Variants in LRRTM4 observed in about 807,000 individuals in gnomAD.
LRRTM4 encodes the protein leucine-rich repeat transmembrane neuronal protein 4.
Under a neutral mutation model 47.6 loss-of-function variants are expected in LRRTM4, and 25 were observed. The observed-to-expected ratio is 0.53, with a 90% CI of 0.38 to 0.73. LRRTM4 has a LOEUF of 0.73. Ranked by LOEUF, LRRTM4 falls within the 30% of genes least tolerant of loss-of-function variation. LRRTM4 has a pLI of 0.00. For missense variants in LRRTM4, 638 were observed against 713.4 expected (o/e 0.89, Z 1.20); for synonymous variants, 311 against 269.5 (o/e 1.15, Z -1.51).
At chr2:76,824,599 C>T (rs1324742207) in intron 3 of LRRTM4, among the ~76,000 whole-genome samples, 1 of 147,944 alleles carries the variant, frequency 6.8e-6, no homozygotes, top group Non-Finnish European at 1.5e-5. Flanking sequence ...AAGAGAGAAT[C>T]TCATTAGGGC....
In LRRTM4 at chr2:77,518,710, G is replaced by A; in HGVS notation, c.1159C>T (p.Pro387Ser). Reference sequence around the variant, plus strand: ...GTGACGTCAGGTTTGAAGATGGTAGGTCTAGGGATAATCAGAGGTTTCTGG... The same window carrying A: ...GTGACGTCAGGTTTGAAGATGGTAGATCTAGGGATAATCAGAGGTTTCTGG... The part of the protein sequence containing the change: ...TPQKPLIIPR[P>S]TIFKPDVTQS... The change falls in exon 3 of 4, where the codon CCT becomes TCT. Residue 387 changes from proline to serine, a missense_variant. Physicochemically the swap from Pro to Ser is moderately conservative, Grantham distance 74 (BLOSUM62 -1). Coordinates refer to ENST00000409884, the MANE Select transcript of LRRTM4 (RefSeq NM_001134745.3). 6.2e-7 allele frequency: 1 copy of A among 1,613,484 alleles called. No homozygotes were observed. The highest frequency in any genetic ancestry group is 8.5e-7 in the Non-Finnish European group (1 of 1,179,686).
chr2:77,425,437 T>C (rs1385667330), intron 3 of LRRTM4, among the ~76,000 whole-genome samples: 1 of 152,230 alleles, frequency 6.6e-6, no homozygotes, highest in African/African-American at 2.4e-5. Context: ...CCTGGATCTA[T>C]ATTTACCTTG....
At chr2:77,134,084 C>G (rs1297072387) in intron 3 of LRRTM4, among the ~76,000 whole-genome samples, 5 of 152,042 alleles carry the variant, frequency 3.3e-5, no homozygotes, top group African/African-American at 4.8e-5. Context: ...ACATCCATAT[C>G]TACTTATCTG....
chr2:77,214,655 T>C (rs1020633785), intron 3 of LRRTM4, among the ~76,000 whole-genome samples: 1 of 151,936 alleles, frequency 6.6e-6, no homozygotes, highest in East Asian at 1.9e-4. Flanking sequence ...TTAAGTACAA[T>C]AGGAAGAAGA....
intron 3 of LRRTM4, among the ~76,000 whole-genome samples, chr2:77,290,946 C>T (rs1471609646): frequency 6.6e-6 from 1 of 152,034 alleles, no homozygotes; most frequent in Non-Finnish European, 1.5e-5. Context: ...AAGCATCTTC[C>T]AATCTCAATA....
intron 3 of LRRTM4, among the ~76,000 whole-genome samples, chr2:76,948,240 A>G (rs1042142733): frequency 6.6e-6 from 1 of 151,862 alleles, no homozygotes; most frequent in Non-Finnish European, 1.5e-5. Flanking sequence ...CTTTATAGAT[A>G]GAAGTGATGA....
chr2:76,758,727 G>A (rs952479660), intron 3 of LRRTM4, among the ~76,000 whole-genome samples: 2 of 152,076 alleles, frequency 1.3e-5, no homozygotes, highest in Non-Finnish European at 2.9e-5. Context: ...TTATATGAAA[G>A]TGAATTTGCC....
chr2:77,480,829 GA>G (rs1558763572), intron 3 of LRRTM4, among the ~76,000 whole-genome samples: 5 of 41,476 alleles, frequency 1.2e-4, no homozygotes, highest in Admixed American at 3.1e-4. Flanking sequence ...TGTGGAGAGA[GA>G]GAGAGAGAGA....
chr2:76,803,783 C>G (rs2103784191), intron 3 of LRRTM4, among the ~76,000 whole-genome samples: 1 of 152,178 alleles, frequency 6.6e-6, no homozygotes, highest in African/African-American at 2.4e-5. Context: ...TTTCCTTCAC[C>G]ATAACTAATA....
intron 3 of LRRTM4, among the ~76,000 whole-genome samples, chr2:76,919,120 G>T (rs1174966474): frequency 1.3e-5 from 2 of 152,156 alleles, no homozygotes; most frequent in Admixed American, 6.5e-5. Flanking sequence ...TGGCACACAA[G>T]CAAAGTGTTG....
chr2:77,292,152 A>G (rs1349558570), intron 3 of LRRTM4, among the ~76,000 whole-genome samples: 4 of 151,440 alleles, frequency 2.6e-5, no homozygotes, highest in Non-Finnish European at 4.4e-5. Flanking sequence ...ATGAGATACC[A>G]TCTCACACCA....
intron 3 of LRRTM4, among the ~76,000 whole-genome samples, chr2:77,142,899 A>G (rs754469948): frequency 6.6e-6 from 1 of 151,972 alleles, no homozygotes; most frequent in African/African-American, 2.4e-5. Context: ...TCCCAAGGTT[A>G]CTCCTCTTGT....
At chr2:77,329,703 C>A (rs1279070469) in intron 3 of LRRTM4, among the ~76,000 whole-genome samples, 2 of 151,994 alleles carry the variant, frequency 1.3e-5, no homozygotes, top group African/African-American at 4.8e-5. Context: ...ATGCCTGCCA[C>A]CAGCAGGATG....
chr2:76,848,129 C>T (rs547815730), intron 3 of LRRTM4, among the ~76,000 whole-genome samples: 16 of 152,042 alleles, frequency 1.1e-4, no homozygotes, highest in Admixed American at 4.6e-4. Context: ...GTTTGGGTTG[C>T]GGAGTGAAGG....
rs79881302 is a variant in LRRTM4, at chr2:77,471,344, A to G, written c.1551+46974T>C. 2.1e-4 allele frequency among the ~76,000 whole-genome samples: 32 copies of G among 152,270 alleles called. No homozygotes were observed. The East Asian group carries it at 5.6e-3, about 27-fold the overall frequency. Reference sequence around the variant, plus strand: ...GAATGACTACTAACCATCCTGGCTCAAAATATCATCTCTCAGTCAAACTAT... The same window carrying G: ...GAATGACTACTAACCATCCTGGCTCGAAATATCATCTCTCAGTCAAACTAT... On this transcript the variant is annotated intron_variant, in intron 3 of 3. Transcript: ENST00000409884.
intron 3 of LRRTM4, among the ~76,000 whole-genome samples, chr2:76,918,306 T>G (rs1181694990): frequency 2.0e-5 from 3 of 152,202 alleles, no homozygotes; most frequent in Non-Finnish European, 2.9e-5. Context: ...GTTTAGGAAT[T>G]TTATTTAATG....
chr2:77,175,101 A>ATTTTTATTTTTT, intron 3 of LRRTM4, among the ~76,000 whole-genome samples: 1 of 141,642 alleles, frequency 7.1e-6, no homozygotes. Context: ...ACACAGTCAC[A>ATTTTTATTTTTT]CTCCTTCACA....
chr2:77,005,728 C>G (rs1198078749), intron 3 of LRRTM4, among the ~76,000 whole-genome samples: 1 of 152,148 alleles, frequency 6.6e-6, no homozygotes, highest in Non-Finnish European at 1.5e-5. Context: ...GCTGCTCATT[C>G]ACCTTCCGCA....
intron 3 of LRRTM4, among the ~76,000 whole-genome samples, chr2:77,466,655 C>T (rs1337776738): frequency 6.6e-6 from 1 of 151,410 alleles, no homozygotes; most frequent in Admixed American, 6.6e-5. Flanking sequence ...GAATCTGTCT[C>T]CAATAAAATA....
Sources: allele counts gnomAD v4.1 joint callset (sites outside exome capture counted in the v4.1 genomes callset), GRCh38; gene constraint gnomAD v4.1.1; transcripts MANE v1.5; gene names NCBI Gene and HGNC (gene_info 2026-07-23, HGNC 2026-07-21).